The following ABHD2 variants were observed in gnomAD, a reference collection of about 807,000 sequenced individuals.
The protein encoded by ABHD2 is monoacylglycerol lipase ABHD2.
A neutral mutation model predicts 48.1 loss-of-function variants in ABHD2; 20 were observed. The ratio of observed to expected loss-of-function variants is 0.42; its 90% confidence interval spans 0.29 to 0.60. The LOEUF is 0.60. ABHD2 is among the 20% of genes least tolerant of loss of function. The pLI, the probability that ABHD2 is intolerant of heterozygous loss-of-function variation, is 0.24. For synonymous variants in ABHD2, 209 were observed against 214.2 expected (o/e 0.98, Z 0.21); for missense variants, 405 against 550.9 (o/e 0.74, Z 2.65).
chr15:89,143,004 G>T (rs2050430005), intron 3 of ABHD2, among the ~76,000 whole-genome samples: 1 of 151,506 alleles, frequency 6.6e-6, no homozygotes, highest in African/African-American at 2.4e-5. Flanking sequence ...TCCATGATGA[G>T]TTTTTTTTTA....
At chr15:89,115,994 T>G (rs1012394406) in intron 2 of ABHD2, among the ~76,000 whole-genome samples, 1 of 152,260 alleles carries the variant, frequency 6.6e-6, no homozygotes, top group Admixed American at 6.5e-5. Flanking sequence ...TCGACTGATC[T>G]TATTTTTCCC....
At chr15:89,121,045 C>A (rs1194194101) in intron 3 of ABHD2, among the ~76,000 whole-genome samples, 1 of 152,188 alleles carries the variant, frequency 6.6e-6, no homozygotes, top group Non-Finnish European at 1.5e-5. Flanking sequence ...TCACGTTTGA[C>A]TTTTTTATAG....
intron 1 of ABHD2, chr15:89,093,918 C>G (rs927355014): frequency 2.0e-5 from 3 of 152,222 alleles, no homozygotes; most frequent in African/African-American, 7.2e-5. Context: ...CCAGGTCTTG[C>G]CTCTCGGGTT....
the ABHD2 span, among the ~76,000 whole-genome samples, chr15:89,077,721 C>T: frequency 5.9e-5 from 9 of 152,156 alleles, no homozygotes; most frequent in African/African-American, 1.9e-4. Flanking sequence ...AGCTGTCAAC[C>T]CTTCCTCCCT....
Position 89,201,109 on chromosome 15 carries a change from A to G in ABHD2, c.*5686A>G. ...AAAAAAAGAAAAGGAATCCAGTGAA[A>G]ATGGCTGCAATTACAACAAGAAGTG... On this transcript the variant is annotated 3_prime_UTR_variant, in exon 11 of 11. Coordinates refer to ENST00000352732, the MANE Select transcript of ABHD2 (RefSeq NM_152924.5). 2 of 1,049,120 alleles carry G rather than the reference A, an allele frequency of 1.9e-6. No homozygotes were observed. The highest frequency in any genetic ancestry group is 1.6e-5 in the African/African-American group (1 of 63,582). 65.0% of individuals were successfully genotyped at this position (1,049,120 alleles called of 1,614,324 possible). A position where few individuals can be genotyped will look rare whatever the true frequency, so the allele number is the denominator to read the frequency against.
At chr15:89,064,481 G>C in the ABHD2 span, among the ~76,000 whole-genome samples, 12 of 152,034 alleles carry the variant, frequency 7.9e-5, no homozygotes, top group African/African-American at 2.4e-4. Context: ...GCCCACCTCG[G>C]CCTCCCAAAG....
the ABHD2 span, among the ~76,000 whole-genome samples, chr15:89,072,167 G>A: frequency 2.0e-5 from 3 of 152,166 alleles, no homozygotes; most frequent in African/African-American, 4.8e-5. Context: ...CGATGGATAT[G>A]TAATGCAAAT....
At chr15:89,117,352 G>T (rs1192885423) in intron 3 of ABHD2, among the ~76,000 whole-genome samples, 2 of 152,220 alleles carry the variant, frequency 1.3e-5, no homozygotes, top group Non-Finnish European at 2.9e-5. Context: ...GAGGCAGCAG[G>T]GGCGGGCTCT....
At chr15:89,098,062 T>C (rs2049642098) in intron 1 of ABHD2, among the ~76,000 whole-genome samples, 1 of 152,134 alleles carries the variant, frequency 6.6e-6, no homozygotes, top group Admixed American at 6.5e-5. Context: ...GTGTTTGTTG[T>C]AGAGATGGGG....
chr15:89,090,583 T>C (rs916563482), intron 1 of ABHD2, among the ~76,000 whole-genome samples: 2 of 151,970 alleles, frequency 1.3e-5, no homozygotes, highest in African/African-American at 4.8e-5. Flanking sequence ...ACCTTACTTA[T>C]TTTTGTGATT....
At chr15:89,055,629 A>G in the ABHD2 span, among the ~76,000 whole-genome samples, 1 of 151,590 alleles carries the variant, frequency 6.6e-6, no homozygotes, top group Non-Finnish European at 1.5e-5. Context: ...AGTTTATAAT[A>G]TTTACAGAGA....
chr15:89,108,897 C>T (rs117484642), intron 1 of ABHD2, among the ~76,000 whole-genome samples: 228 of 152,314 alleles, frequency 1.5e-3, no homozygotes, highest in Non-Finnish European at 2.2e-3. Context: ...TAGCCGAGGA[C>T]CGCAATTCTG....
the ABHD2 span, among the ~76,000 whole-genome samples, chr15:89,061,657 C>G: frequency 2.0e-5 from 3 of 152,082 alleles, no homozygotes; most frequent in Admixed American, 6.5e-5. Context: ...GCTGCAGCCT[C>G]AACTTCCCAA....
At chr15:89,127,728 T>TATATATATATATATATATATAC (rs1567080135) in intron 3 of ABHD2, among the ~76,000 whole-genome samples, 1 of 144,632 alleles carries the variant, frequency 6.9e-6, no homozygotes, top group African/African-American at 2.6e-5. Flanking sequence ...TACACATATA[T>TATATATATATATATATATATAC]ATATATATAT....
rs1391158775 is a variant in ABHD2 at position 89,179,364 on chromosome 15, T to C, written c.722+3369T>C. ...TCTCATTCCCCATTGATCACATTAC[T>C]GCCTGAGTTCCGCCTCCTGTCAGAT... On this transcript the variant is annotated intron_variant, in intron 6 of 10. Coordinates refer to ENST00000352732, the MANE Select transcript of ABHD2 (RefSeq NM_152924.5). The surrounding 1 kb of genome is among the most constrained non-coding windows in gnomAD (Gnocchi z 4.3). Among the ~76,000 whole-genome samples, 1 of 152,220 alleles carries C rather than the reference T, an allele frequency of 6.6e-6. No individual in the cohort carries two copies. Among genetic ancestry groups the C allele is most frequent in the African/African-American group, 2.4e-5 (1 of 41,456 alleles).
intron 1 of ABHD2, among the ~76,000 whole-genome samples, chr15:89,108,628 C>A (rs2049824617): frequency 6.6e-6 from 1 of 152,168 alleles, no homozygotes; most frequent in Admixed American, 6.5e-5. Flanking sequence ...GCTTTCCGCA[C>A]TGTAAGTTGT....
At chr15:89,178,462 G>A (rs557908170) in intron 6 of ABHD2, among the ~76,000 whole-genome samples, 3 of 152,328 alleles carry the variant, frequency 2.0e-5, no homozygotes, top group Non-Finnish European at 4.4e-5. Flanking sequence ...GGGGCCACAC[G>A]AGAGTTCATG....
chr15:89,117,491 C>G (rs961620004), intron 3 of ABHD2, among the ~76,000 whole-genome samples: 2 of 152,356 alleles, frequency 1.3e-5, no homozygotes, highest in African/African-American at 4.8e-5. Context: ...GTGTCTTCCT[C>G]CAGGGCTCAG....
intron 3 of ABHD2, among the ~76,000 whole-genome samples, chr15:89,136,993 C>T (rs2050324990): frequency 6.6e-6 from 1 of 152,220 alleles, no homozygotes; most frequent in African/African-American, 2.4e-5. Context: ...TTGGTTAGCA[C>T]AGAGTGAGTC....
Sources: allele counts gnomAD v4.1 joint callset (sites outside exome capture counted in the v4.1 genomes callset), GRCh38; gene constraint gnomAD v4.1.1; non-coding constraint Gnocchi (gnomAD v3.1); transcripts MANE v1.5; gene names NCBI Gene and HGNC (gene_info 2026-07-23, HGNC 2026-07-21).